The following RTN4 variants were observed in gnomAD, a reference collection of about 807,000 sequenced individuals.
RTN4 encodes reticulon-4.
In RTN4, 32 loss-of-function variants were observed where a neutral mutation model predicts 90.4. That is an observed-to-expected ratio of 0.35 (90% CI 0.27 to 0.48). The LOEUF is 0.48. Ranked by LOEUF, RTN4 falls within the 20% of genes least tolerant of loss-of-function variation. The pLI is 0.99. For synonymous variants in RTN4, 629 were observed against 552.5 expected, an observed-to-expected ratio of 1.14 and a Z score of -1.94; for missense variants, 1,706 against 1,430.2, an observed-to-expected ratio of 1.19 and a Z score of -3.11.
chr2:54,991,442 A>C (rs1371972513), intron 3 of RTN4, among the ~76,000 whole-genome samples: 1 of 152,244 alleles, frequency 6.6e-6, no homozygotes, highest in Non-Finnish European at 1.5e-5. Flanking sequence ...CTGGGATTCA[A>C]GAGACCCACA....
At chr2:55,084,300 T>A (rs1004909898) in intron 1 of RTN4, among the ~76,000 whole-genome samples, 2 of 140,368 alleles carry the variant, frequency 1.4e-5, no homozygotes, top group African/African-American at 2.5e-5. Context: ...GCATCCCCCC[T>A]GCCTTTTTTT....
intron 3 of RTN4, among the ~76,000 whole-genome samples, chr2:55,011,702 A>T (rs1331067414): frequency 2.0e-5 from 3 of 152,206 alleles, no homozygotes; most frequent in Admixed American, 1.3e-4. Context: ...AACTAAAAAC[A>T]AAACATGTAA....
intron 3 of RTN4, among the ~76,000 whole-genome samples, chr2:55,019,878 A>G (rs1681301790): frequency 6.6e-6 from 1 of 152,176 alleles, no homozygotes; most frequent in Non-Finnish European, 1.5e-5. Flanking sequence ...TAAAATCAAT[A>G]ACAAAAATAT....
chr2:55,015,029 T>C (rs2104810725), intron 3 of RTN4, among the ~76,000 whole-genome samples: 1 of 152,358 alleles, frequency 6.6e-6, no homozygotes, highest in East Asian at 1.9e-4. Context: ...TTTAAACTCA[T>C]CTGTTAGTGC....
At chr2:55,121,834 A>G in the RTN4 span, among the ~76,000 whole-genome samples, 1 of 152,120 alleles carries the variant, frequency 6.6e-6, no homozygotes. Flanking sequence ...GGGTACCGAG[A>G]ACATGAGTGC....
chr2:54,974,267 T>TAAA (rs1677415983), intron 6 of RTN4: 1 of 240,430 alleles, frequency 4.2e-6, no homozygotes, highest in African/African-American at 2.3e-5. Flanking sequence ...ACCAACTTAT[T>TAAA]TAAAGAGAAT....
chr2:55,038,832 T>G (rs1419612577), intron 1 of RTN4, among the ~76,000 whole-genome samples: 1 of 152,344 alleles, frequency 6.6e-6, no homozygotes, highest in East Asian at 1.9e-4. Flanking sequence ...TTGTTCATAG[T>G]AGCCAAAAAC....
intron 3 of RTN4, among the ~76,000 whole-genome samples, chr2:55,009,581 CA>C (rs1680483984): frequency 6.6e-6 from 1 of 152,172 alleles, no homozygotes; most frequent in Non-Finnish European, 1.5e-5. Context: ...TCAAGATGCA[CA>C]TAATCTGATT....
rs200490276 is a variant in RTN4, at chr2:54,972,560, G to C, written c.*596C>G. ...TGACTCTGAAATATCAAGCACTGTG[G>C]GGTGGCTGGAAGGTAAAGGTCTAAG... On this transcript the variant is annotated 3_prime_UTR_variant, in exon 9 of 9. Transcript: ENST00000337526. 6.5e-6 allele frequency: 1 copy of C among 152,682 alleles called. No homozygotes were observed. Among genetic ancestry groups the C allele is most frequent in the Non-Finnish European group, 1.5e-5 (1 of 68,032 alleles). The allele number at this position is 152,682 out of a possible 1,614,324, so 9.5% of individuals were successfully genotyped here.
chr2:55,013,631 G>T (rs1281543547), intron 3 of RTN4, among the ~76,000 whole-genome samples: 6 of 125,752 alleles, frequency 4.8e-5, no homozygotes, highest in Non-Finnish European at 8.4e-5. Context: ...GGGTGTAGGG[G>T]GGGTGGTATC....
chr2:54,993,886 T>C (rs1197342877), intron 3 of RTN4, among the ~76,000 whole-genome samples: 1 of 152,216 alleles, frequency 6.6e-6, no homozygotes, highest in African/African-American at 2.4e-5. Context: ...AACCCCACTG[T>C]GCAAAGTACA....
At chr2:55,107,028 C>T (rs1252852985) in intron 1 of RTN4, among the ~76,000 whole-genome samples, 1 of 152,058 alleles carries the variant, frequency 6.6e-6, no homozygotes, top group Non-Finnish European at 1.5e-5. Flanking sequence ...CCAGCATTGG[C>T]AGTGTAGCTG....
the RTN4 span, among the ~76,000 whole-genome samples, chr2:55,128,981 G>A: frequency 4.6e-5 from 7 of 151,708 alleles, no homozygotes; most frequent in African/African-American, 1.5e-4. Flanking sequence ...GATGGCAGGC[G>A]CCTGTAATCC....
intron 1 of RTN4, among the ~76,000 whole-genome samples, chr2:55,090,074 T>C (rs1448619402): frequency 6.6e-6 from 1 of 152,208 alleles, no homozygotes; most frequent in Non-Finnish European, 1.5e-5. Flanking sequence ...CTTTTTTTTC[T>C]CCTGAGTCTT....
chr2:55,059,252 G>C (rs1374522870), intron 2 of RTN4, among the ~76,000 whole-genome samples: 1 of 151,046 alleles, frequency 6.6e-6, no homozygotes, highest in African/African-American at 2.4e-5. Flanking sequence ...TTTACTTTTT[G>C]TTTTGCCTGT....
chr2:55,137,757 A>T, the RTN4 span, among the ~76,000 whole-genome samples: 1 of 151,868 alleles, frequency 6.6e-6, no homozygotes, highest in Non-Finnish European at 1.5e-5. Context: ...TGTAGCCTGA[A>T]ATCTCATTTC....
chr2:54,974,807 TA>T lies in RTN4; in HGVS notation c.3361-44del, dbSNP rs754861107. Reference sequence around the variant, plus strand: ...TAGCCCATTATAAACAAAATTCAAGTAAAGTTTCTTAATTATGCTTTCAAAA... The same window carrying T: ...TAGCCCATTATAAACAAAATTCAAGTAAGTTTCTTAATTATGCTTTCAAAA... On this transcript the variant is annotated intron_variant, in intron 5 of 8. Coordinates refer to ENST00000337526, the MANE Select transcript of RTN4 (RefSeq NM_020532.5). 26 of 1,530,528 alleles carry T rather than the reference TA, an allele frequency of 1.7e-5. No homozygotes were observed. The African/African-American group carries it at 3.6e-4, about 21-fold the overall frequency. 94.8% of individuals were successfully genotyped at this position (1,530,528 alleles called of 1,614,324 possible).
intron 1 of RTN4, among the ~76,000 whole-genome samples, chr2:55,041,859 TAAAAG>T (rs370697711): frequency 5.3e-5 from 8 of 151,846 alleles, no homozygotes; most frequent in African/African-American, 1.9e-4. Flanking sequence ...CTCAAAGTCA[TAAAAG>T]AAAATGATAA....
chr2:55,067,352 A>G (rs1668412936), intron 2 of RTN4, among the ~76,000 whole-genome samples: 1 of 152,200 alleles, frequency 6.6e-6, no homozygotes, highest in South Asian at 2.1e-4. Context: ...TTTTTAAACA[A>G]TGAAAGGGAA....
Sources: gnomAD v4.1 joint callset for allele counts (sites outside exome capture counted in the v4.1 genomes callset) on GRCh38, gnomAD v4.1.1 for gene constraint, MANE v1.5 for transcripts, NCBI Gene and HGNC (gene_info 2026-07-23, HGNC 2026-07-21) for gene names.